The following SPOCK1 variants were observed in gnomAD, a reference collection of about 807,000 sequenced individuals.
The protein encoded by SPOCK1 is testican-1.
A neutral mutation model predicts 55.3 loss-of-function variants in SPOCK1; 23 were observed. The observed-to-expected ratio is 0.42, with a 90% confidence interval of 0.30 to 0.59. SPOCK1 has a LOEUF of 0.59. Among genes scored for constraint, SPOCK1 ranks in the 20% least tolerant of loss-of-function variants. SPOCK1 has a pLI of 0.22. For synonymous variants in SPOCK1, 226 were observed against 221.0 expected, an observed-to-expected ratio of 1.02 and a Z score of -0.20; for missense variants, 499 against 552.5, an observed-to-expected ratio of 0.90 and a Z score of 0.97.
intron 3 of SPOCK1, among the ~76,000 whole-genome samples, chr5:137,212,891 G>C (rs1755644304): frequency 6.6e-6 from 1 of 152,190 alleles, no homozygotes; most frequent in South Asian, 2.1e-4. Context: ...ACTGGGGAGA[G>C]TAGGGTAAAC....
In SPOCK1 at chr5:137,473,847, C is replaced by T. The variant is rs551690866; in HGVS notation, c.186+24526G>A. Among the ~76,000 whole-genome samples the T allele has an allele frequency of 2.6e-5, 4 of 152,256 alleles. No homozygotes were observed. In the East Asian group the frequency reaches 7.7e-4, roughly 29 times the overall value. ...CAACAATTTTAATAAAGCCAAATGC[C>T]CATCAATCAATTAGTGGATAAAGAA... is the stretch of plus-strand genomic sequence containing the variant. On this transcript the variant is annotated intron_variant, in intron 2 of 10. Coordinates refer to ENST00000394945, the MANE Select transcript of SPOCK1 (RefSeq NM_004598.4).
intron 3 of SPOCK1, among the ~76,000 whole-genome samples, chr5:137,212,917 G>A (rs1374184838): frequency 6.6e-6 from 1 of 152,112 alleles, no homozygotes; most frequent in Non-Finnish European, 1.5e-5. Flanking sequence ...CCCAAGCTTA[G>A]CCTCTGACCT....
At chr5:137,327,401 A>G (rs1758099735) in intron 2 of SPOCK1, among the ~76,000 whole-genome samples, 1 of 152,258 alleles carries the variant, frequency 6.6e-6, no homozygotes, top group Admixed American at 6.5e-5. Context: ...AACAACTCAC[A>G]TGAACAAATA....
intron 2 of SPOCK1, among the ~76,000 whole-genome samples, chr5:137,331,756 C>T (rs1358977780): frequency 6.6e-6 from 1 of 152,094 alleles, no homozygotes; most frequent in East Asian, 1.9e-4. Flanking sequence ...GGGGAGGGAT[C>T]CGCTCCCACG....
chr5:137,351,389 G>A (rs1217038382), intron 2 of SPOCK1, among the ~76,000 whole-genome samples: 1 of 152,184 alleles, frequency 6.6e-6, no homozygotes, highest in Non-Finnish European at 1.5e-5. Context: ...GCTGATTAGC[G>A]GGAAGCACCC....
At chr5:137,423,757 T>C (rs1554080683) in intron 2 of SPOCK1, among the ~76,000 whole-genome samples, 2 of 152,208 alleles carry the variant, frequency 1.3e-5, no homozygotes, top group Non-Finnish European at 2.9e-5. Flanking sequence ...TCGCCCTGCT[T>C]CAGCTCATGC....
At chr5:137,125,771 T>C (rs1056289249) in intron 4 of SPOCK1, among the ~76,000 whole-genome samples, 2 of 152,168 alleles carry the variant, frequency 1.3e-5, no homozygotes, top group African/African-American at 4.8e-5. Flanking sequence ...GGTGCTGCAG[T>C]GACAAGTACC....
At chr5:137,077,512 C>T (rs1752795570) in intron 5 of SPOCK1, among the ~76,000 whole-genome samples, 1 of 152,178 alleles carries the variant, frequency 6.6e-6, no homozygotes, top group Non-Finnish European at 1.5e-5. Context: ...TGATGTTAGT[C>T]AAAGCCACTT....
chr5:137,366,192 T>G (rs973379325), intron 2 of SPOCK1, among the ~76,000 whole-genome samples: 2 of 152,134 alleles, frequency 1.3e-5, no homozygotes, highest in Non-Finnish European at 2.9e-5. Context: ...CCCCCAGTGC[T>G]CCAAGAATAA....
intron 2 of SPOCK1, among the ~76,000 whole-genome samples, chr5:137,271,222 T>G (rs2127119123): frequency 6.6e-6 from 1 of 151,866 alleles, no homozygotes; most frequent in South Asian, 2.1e-4. Context: ...TTATCTCACT[T>G]ATTAAATATT....
chr5:137,249,856 A>ATT (rs890116208), intron 3 of SPOCK1, among the ~76,000 whole-genome samples: 31 of 150,412 alleles, frequency 2.1e-4, no homozygotes, highest in African/African-American at 7.6e-4. Context: ...TTTAGTACAG[A>ATT]TTTTTTTTTT....
chr5:137,121,423 T>G (rs993050982), intron 4 of SPOCK1, among the ~76,000 whole-genome samples: 1 of 151,940 alleles, frequency 6.6e-6, no homozygotes, highest in Non-Finnish European at 1.5e-5. Flanking sequence ...AGGAGCAAAT[T>G]ATGTGGCCAA....
intron 6 of SPOCK1, among the ~76,000 whole-genome samples, chr5:137,031,462 GT>G (rs1311828897): frequency 1.3e-5 from 2 of 152,196 alleles, no homozygotes; most frequent in East Asian, 3.8e-4. Context: ...GCTACTATAT[GT>G]TTGTAATTCT....
chr5:136,983,341 T>C (rs182334217), intron 9 of SPOCK1, among the ~76,000 whole-genome samples: 1 of 152,280 alleles, frequency 6.6e-6, no homozygotes, highest in East Asian at 1.9e-4. Context: ...CACCAGGCTA[T>C]ACCAAGATGA....
At chr5:137,408,056 C>A (rs1752137647) in intron 2 of SPOCK1, among the ~76,000 whole-genome samples, 1 of 152,124 alleles carries the variant, frequency 6.6e-6, no homozygotes, top group Admixed American at 6.5e-5. Flanking sequence ...ATTTCATCTC[C>A]CTGGAAGATT....
intron 5 of SPOCK1, among the ~76,000 whole-genome samples, chr5:137,071,043 G>C (rs1395934134): frequency 1.4e-5 from 2 of 141,682 alleles, no homozygotes; most frequent in East Asian, 2.1e-4. Context: ...TTTTTAAAGA[G>C]ACAGGGTCTC....
intron 2 of SPOCK1, among the ~76,000 whole-genome samples, chr5:137,315,457 C>G (rs1561502216): frequency 6.6e-6 from 1 of 152,204 alleles, no homozygotes; most frequent in East Asian, 1.9e-4. Flanking sequence ...ACAACCCCCC[C>G]ACCATCTCCA....
intron 2 of SPOCK1, among the ~76,000 whole-genome samples, chr5:137,382,572 T>C (rs4620017): frequency 0.085 from 12,982 of 152,204 alleles, 1,255 homozygotes; most frequent in African/African-American, 0.24. Flanking sequence ...CTTACAATCA[T>C]GGCAGAAGGT....
chr5:137,097,117 G>A (rs541218091), intron 5 of SPOCK1, among the ~76,000 whole-genome samples: 46 of 152,010 alleles, frequency 3.0e-4, no homozygotes, highest in Non-Finnish European at 4.1e-4. Flanking sequence ...TAGTGTTCAC[G>A]CAAATCACAC....
Sources: gnomAD v4.1 joint callset for allele counts (sites outside exome capture counted in the v4.1 genomes callset) on GRCh38, gnomAD v4.1.1 for gene constraint, MANE v1.5 for transcripts, NCBI Gene and HGNC (gene_info 2026-07-23, HGNC 2026-07-21) for gene names.